The following C10orf90 variants were observed in gnomAD, a reference collection of about 807,000 sequenced individuals.
The protein encoded by C10orf90 is chromosome 10 open reading frame 90.
In C10orf90, 56 loss-of-function variants were observed where a neutral mutation model predicts 62.5. That is an observed-to-expected ratio of 0.90 (90% CI 0.72 to 1.12). The LOEUF is 1.12. Among genes scored for constraint, C10orf90 ranks in the 50% most tolerant of loss-of-function variants. The pLI, the probability that C10orf90 is intolerant of heterozygous loss-of-function variation, is 0.00. For missense variants in C10orf90, 970 were observed against 880.4 expected, an observed-to-expected ratio of 1.10 and a Z score of -1.29; for synonymous variants, 386 against 340.4, an observed-to-expected ratio of 1.13 and a Z score of -1.47.
chr10:126,592,152 C>G lies in C10orf90; in HGVS notation c.313+54413G>C, dbSNP rs1591126879. ...GTAATTTATAGATTCAATGCTATTC[C>G]CATTAAACTACCATTGACATTCTTC... is the stretch of plus-strand genomic sequence containing the variant. On this transcript the variant is annotated intron_variant, in intron 2 of 9. Transcript: ENST00000488181. 2.0e-5 allele frequency among the ~76,000 whole-genome samples: 3 copies of G among 152,046 alleles called. No individual in the cohort carries two copies. The East Asian group carries it at 5.8e-4, about 29-fold the overall frequency.
intron 2 of C10orf90, among the ~76,000 whole-genome samples, chr10:126,640,084 T>C (rs548597134): frequency 3.1e-4 from 47 of 152,356 alleles, no homozygotes; most frequent in Non-Finnish European, 5.0e-4. Flanking sequence ...CATCCTCTTA[T>C]GGCCTCCACA....
At chr10:126,488,077 G>A (rs1054910411) in intron 4 of C10orf90, among the ~76,000 whole-genome samples, 8 of 151,892 alleles carry the variant, frequency 5.3e-5, no homozygotes, top group East Asian at 3.9e-4. Context: ...AAATTAATTC[G>A]ATACAAGGAA....
chr10:126,472,954 A>C (rs1465460200), intron 4 of C10orf90, among the ~76,000 whole-genome samples: 2 of 152,106 alleles, frequency 1.3e-5, no homozygotes, highest in African/African-American at 4.8e-5. Flanking sequence ...GGAGGAAACA[A>C]AGTTTTTTTG....
chr10:126,461,472 C>T lies in C10orf90; in HGVS notation c.1939G>A (p.Ala647Thr). 6.2e-7 allele frequency: 1 copy of T among 1,614,174 alleles called. No individual in the cohort carries two copies. The highest frequency in any genetic ancestry group is 1.3e-5 in the African/African-American group (1 of 75,056). The change falls in exon 6 of 10, where the codon GCA (alanine) becomes ACA (threonine). Residue 647 changes from alanine (A) to threonine (T), a missense_variant. Coordinates refer to ENST00000488181, the MANE Select transcript of C10orf90 (RefSeq NM_001350921.2). ...AAPSPAPRDG[A>T]GSPGLSEDCS... Reference sequence around the variant, plus strand: ...TCTTCGGACAGGCCAGGGCTCCCTGCTCCATCGCGGGGTGCTGGCGAGGGT... The same window carrying T: ...TCTTCGGACAGGCCAGGGCTCCCTGTTCCATCGCGGGGTGCTGGCGAGGGT...
At chr10:126,653,711 T>C (rs978569836) in intron 1 of C10orf90, among the ~76,000 whole-genome samples, 6 of 152,202 alleles carry the variant, frequency 3.9e-5, no homozygotes, top group African/African-American at 1.2e-4. Flanking sequence ...GCATCTAGAA[T>C]GGTGAATCTT....
intron 2 of C10orf90, among the ~76,000 whole-genome samples, chr10:126,538,638 A>G (rs1485527312): frequency 6.6e-6 from 1 of 152,222 alleles, no homozygotes; most frequent in African/African-American, 2.4e-5. Flanking sequence ...CTCCTCCAGC[A>G]AATCCATGTT....
chr10:126,499,154 C>T (rs1471949049), intron 4 of C10orf90, among the ~76,000 whole-genome samples: 1 of 152,152 alleles, frequency 6.6e-6, no homozygotes, highest in African/African-American at 2.4e-5. Context: ...TTGTTGATGG[C>T]TGATTTTGCA....
At chr10:126,557,459 G>A (rs534279343) in intron 2 of C10orf90, among the ~76,000 whole-genome samples, 3 of 135,776 alleles carry the variant, frequency 2.2e-5, no homozygotes, top group African/African-American at 8.4e-5. Flanking sequence ...CAGCCTGGGC[G>A]ACAGAGCGAG....
chr10:126,429,756 C>A, intron 8 of C10orf90, 31 bp downstream of exon 8: 2 of 1,607,370 alleles, frequency 1.2e-6, no homozygotes, highest in South Asian at 1.1e-5. Context: ...CCCCCACCAA[C>A]TTCTTTGCAC....
intron 2 of C10orf90, among the ~76,000 whole-genome samples, chr10:126,644,842 T>A (rs1004146442): frequency 6.6e-6 from 1 of 152,170 alleles, no homozygotes; most frequent in African/African-American, 2.4e-5. Context: ...AAACTCCCTG[T>A]GGGATGCAAG....
intron 8 of C10orf90, 147 bp from the exon 9 acceptor site, chr10:126,426,237 C>T (rs1369215361): frequency 2.3e-5 from 16 of 683,156 alleles, no homozygotes; most frequent in South Asian, 5.5e-5. Context: ...GATGCCAGGA[C>T]GAAGGGCTTT....
chr10:126,457,446 C>T (rs528617550), intron 7 of C10orf90, among the ~76,000 whole-genome samples: 4 of 152,188 alleles, frequency 2.6e-5, no homozygotes, highest in African/African-American at 9.6e-5. Context: ...AGGTGCTGGC[C>T]CAGAAGAGGA....
chr10:126,437,141 G>A (rs1857976602), intron 7 of C10orf90, among the ~76,000 whole-genome samples: 2 of 152,214 alleles, frequency 1.3e-5, no homozygotes, highest in Admixed American at 1.3e-4. Flanking sequence ...GGTTTTGTGT[G>A]TAGGTAAATT....
In C10orf90 at chr10:126,534,916, G is replaced by C. The variant is rs1005173748; in HGVS notation, c.314-20977C>G. On this transcript the variant is annotated intron_variant, in intron 2 of 9. Coordinates refer to ENST00000488181, the MANE Select transcript of C10orf90 (RefSeq NM_001350921.2). ...GGTCACACTCACTCCATTAGCACCC[G>C]CCTCCTGGCAGCAGTGGGCCACTTC... Among the ~76,000 whole-genome samples the C allele has an allele frequency of 2.6e-5, 4 of 152,222 alleles. No homozygotes were observed. In the East Asian group the frequency reaches 7.8e-4, roughly 30 times the overall value.
Position 126,586,610 on chromosome 10 carries a change from T to C in C10orf90, c.313+59955A>G, listed in dbSNP as rs74158839. Among the ~76,000 whole-genome samples, 491 of 152,238 alleles carry C rather than the reference T, an allele frequency of 3.2e-3. 3 individuals are homozygous for C. Among genetic ancestry groups the C allele is most frequent in the African/African-American group, 0.012 (478 of 41,554 alleles). The stretch of plus-strand genomic sequence containing the variant: ...TTAACTTTCATACAGCTGCTCAGAA[T>C]ATGCCTACGGAACATTTTCTTAATT... On this transcript the variant is annotated intron_variant, in intron 2 of 9. Transcript: ENST00000488181.
At chr10:126,530,606 T>C (rs1864067154) in intron 2 of C10orf90, among the ~76,000 whole-genome samples, 1 of 151,826 alleles carries the variant, frequency 6.6e-6, no homozygotes, top group African/African-American at 2.4e-5. Context: ...ATAAAGAACA[T>C]GCCAGATTCA....
chr10:126,654,014 G>A (rs12761411), intron 1 of C10orf90, among the ~76,000 whole-genome samples: 20,183 of 152,128 alleles, frequency 0.13, 1,571 homozygotes, highest in East Asian at 0.21. Context: ...GCTTAAAATA[G>A]TCAATAAACC....
At chr10:126,623,204 C>A (rs564508471) in intron 2 of C10orf90, among the ~76,000 whole-genome samples, 2 of 152,262 alleles carry the variant, frequency 1.3e-5, no homozygotes, top group African/African-American at 2.4e-5. Context: ...GGGCTTTGGA[C>A]TTCACCATGA....
chr10:126,666,878 G>A (rs1846639292), intron 1 of C10orf90, among the ~76,000 whole-genome samples: 1 of 151,278 alleles, frequency 6.6e-6, no homozygotes, highest in African/African-American at 2.4e-5. Context: ...TACTCAGGAG[G>A]CTGAGGCAGG....
Sources: allele counts gnomAD v4.1 joint callset (sites outside exome capture counted in the v4.1 genomes callset), GRCh38; gene constraint gnomAD v4.1.1; transcripts MANE v1.5; gene names NCBI Gene and HGNC (gene_info 2026-07-23, HGNC 2026-07-21).